Variants in GPR39 observed in about 807,000 individuals in gnomAD.
GPR39 encodes the protein G protein-coupled receptor 39, also known as zinc sensing receptor.
A neutral mutation model predicts 18.4 loss-of-function variants in GPR39; 23 were observed. That is an observed-to-expected ratio of 1.25 (90% CI 0.90 to 1.77). The LOEUF (loss-of-function observed/expected upper bound fraction) is 1.77, where lower values mean the gene tolerates loss of function less well. Among genes scored for constraint, GPR39 ranks in the 40% most tolerant of loss-of-function variants. The probability of loss-of-function intolerance (pLI) is 0.00; values close to 1 mark genes in which losing one functional copy is unlikely to be tolerated. For missense variants in GPR39, 647 were observed against 602.4 expected (o/e 1.07, Z -0.78); for synonymous variants, 280 against 257.9 (o/e 1.09, Z -0.82).
chr2:132,417,530 C>T lies in GPR39; in HGVS notation c.488C>T (p.Ser163Phe), dbSNP rs1679928742. 2 of 1,614,074 alleles carry T rather than the reference C, an allele frequency of 1.2e-6. No individual in the cohort carries two copies. The highest frequency in any genetic ancestry group is 8.5e-7 in the Non-Finnish European group (1 of 1,180,042). Residue 163 changes from serine to phenylalanine, a missense_variant, in exon 1 of 2, where the codon TCC becomes TTC. Around this residue, in one of 3 missense-constraint regions of GPR39, gnomAD observed 581 missense variants for 506.8 expected, o/e 1.15. Coordinates refer to ENST00000329321, the MANE Select transcript of GPR39 (RefSeq NM_001508.3). ...CTGATTGGCTTCGTCTGGGTCACCT[C>T]CGCCCTGGTGGCACTGCCCTTGCTG... Reference protein sequence around the residue: ...KLLIGFVWVTSALVALPLLFA... With the variant: ...KLLIGFVWVTFALVALPLLFA...
intron 1 of GPR39, chr2:132,433,742 C>G (rs1345317351): frequency 1.4e-5 from 2 of 147,994 alleles, no homozygotes; most frequent in Non-Finnish European, 3.0e-5. Flanking sequence ...GTGAGGTTGT[C>G]ATGCCTGCTA....
intron 1 of GPR39, among the ~76,000 whole-genome samples, chr2:132,458,419 A>G (rs1680772157): frequency 6.8e-6 from 1 of 147,376 alleles, no homozygotes; most frequent in Non-Finnish European, 1.5e-5. Context: ...GAGCTCATAT[A>G]TATCTACTTT....
intron 1 of GPR39, among the ~76,000 whole-genome samples, chr2:132,493,011 C>T (rs1681529352): frequency 7.2e-6 from 1 of 138,136 alleles, no homozygotes; most frequent in Non-Finnish European, 1.5e-5. Context: ...CATATATACA[C>T]TATATATACT....
intron 1 of GPR39, among the ~76,000 whole-genome samples, chr2:132,557,085 G>C (rs13013761): frequency 1.7e-4 from 6 of 34,744 alleles, no homozygotes; most frequent in Non-Finnish European, 2.4e-4. Flanking sequence ...GGAGGCCAAG[G>C]GGGGGGGCAG....
At chr2:132,481,989 G>A (rs1362955030) in intron 1 of GPR39, among the ~76,000 whole-genome samples, 1 of 152,100 alleles carries the variant, frequency 6.6e-6, no homozygotes, top group Non-Finnish European at 1.5e-5. Flanking sequence ...CACAGCAGAC[G>A]GGAGCTGAAC....
rs371766672 is a variant in GPR39 at position 132,645,230 on chromosome 2, C to T, written c.986C>T (p.Ser329Leu). 4 of 1,614,066 alleles carry T rather than the reference C, an allele frequency of 2.5e-6. No individual in the cohort carries two copies. The highest frequency in any genetic ancestry group is 1.1e-5 in the South Asian group (1 of 91,076). Residue 329 changes from serine to leucine, a missense_variant, in exon 2 of 2, where the codon TCG becomes TTG. Coordinates refer to ENST00000329321, the MANE Select transcript of GPR39 (RefSeq NM_001508.3). ...GCGTACATGATCCTCCTCCCCTTCTCGGAGACGTTTTTCTACCTCAGCTCG... is the reference window on the plus strand; with the variant it reads ...GCGTACATGATCCTCCTCCCCTTCTTGGAGACGTTTTTCTACCTCAGCTCG... ...FRAYMILLPF[S>L]ETFFYLSSVI... is the part of the protein sequence containing the mutation.
intron 1 of GPR39, among the ~76,000 whole-genome samples, chr2:132,449,490 G>A (rs927767252): frequency 5.3e-5 from 8 of 151,954 alleles, no homozygotes; most frequent in South Asian, 2.1e-4. Flanking sequence ...CTCGTGATCC[G>A]CCTGCCTCAG....
intron 1 of GPR39, among the ~76,000 whole-genome samples, chr2:132,566,657 G>A (rs1680354152): frequency 6.6e-6 from 1 of 152,166 alleles, no homozygotes; most frequent in Non-Finnish European, 1.5e-5. Context: ...ACTCAGTATT[G>A]GTGAGAGTGT....
At chr2:132,633,297 C>T (rs1681684548) in intron 1 of GPR39, among the ~76,000 whole-genome samples, 2 of 151,008 alleles carry the variant, frequency 1.3e-5, no homozygotes, top group African/African-American at 4.9e-5. Flanking sequence ...ATTATATCCT[C>T]TACTTTTTTT....
chr2:132,584,336 C>T (rs1332014171), intron 1 of GPR39, among the ~76,000 whole-genome samples: 1 of 152,148 alleles, frequency 6.6e-6, no homozygotes, highest in Non-Finnish European at 1.5e-5. Context: ...AACAGATGGT[C>T]AGAAAGCAAT....
intron 1 of GPR39, among the ~76,000 whole-genome samples, chr2:132,527,298 C>A (rs977062596): frequency 6.6e-6 from 1 of 152,234 alleles, no homozygotes; most frequent in Admixed American, 6.5e-5. Context: ...ACATAGTATT[C>A]CATGGTGTAT....
At chr2:132,614,436 G>A (rs1681296188) in intron 1 of GPR39, among the ~76,000 whole-genome samples, 1 of 151,904 alleles carries the variant, frequency 6.6e-6, no homozygotes, top group Admixed American at 6.6e-5. Context: ...TTGACCTCGT[G>A]ATCTTGATCT....
intron 1 of GPR39, among the ~76,000 whole-genome samples, chr2:132,593,830 T>G (rs771851603): frequency 6.6e-6 from 1 of 152,140 alleles, no homozygotes. Flanking sequence ...CTGCAAGTCC[T>G]GAGACCTTGT....
chr2:132,537,289 C>T (rs888773578), intron 1 of GPR39, among the ~76,000 whole-genome samples: 1 of 152,088 alleles, frequency 6.6e-6, no homozygotes, highest in African/African-American at 2.4e-5. Flanking sequence ...TTAGCATTTG[C>T]TTATCTGGAA....
chr2:132,524,639 C>A (rs1354881355), intron 1 of GPR39, among the ~76,000 whole-genome samples: 2 of 152,294 alleles, frequency 1.3e-5, no homozygotes, highest in African/African-American at 2.4e-5. Flanking sequence ...ATAATTGGGT[C>A]TCTCCCAAAC....
In GPR39 at chr2:132,646,488, A is replaced by G. The variant is rs542338284; in HGVS notation, c.*882A>G. On this transcript the variant is annotated 3_prime_UTR_variant, in exon 2 of 2. Transcript: ENST00000329321. Reference sequence around the variant, plus strand: ...GCACTATTTCATTAGTTTTAACAAAACTGTTCCAAAAGCGATTTGAGATGC... The same window carrying G: ...GCACTATTTCATTAGTTTTAACAAAGCTGTTCCAAAAGCGATTTGAGATGC... 5.0e-6 allele frequency: 2 copies of G among 401,068 alleles called. No homozygotes were observed. Among genetic ancestry groups the G allele is most frequent in the South Asian group, 2.6e-4 (2 of 7,742 alleles). 24.8% of individuals were successfully genotyped at this position (401,068 alleles called of 1,614,324 possible).
rs556844402 is a variant in GPR39 at position 132,453,514 on chromosome 2, G to A, written c.856+35616G>A. ...ATCCCATTTATCTATTTTGGCTTTTGTTGCCATTGCTTTTGGTGTTTTAGT... is the reference window on the plus strand; with the variant it reads ...ATCCCATTTATCTATTTTGGCTTTTATTGCCATTGCTTTTGGTGTTTTAGT... On this transcript the variant is annotated intron_variant, in intron 1 of 1. Coordinates refer to ENST00000329321, the MANE Select transcript of GPR39 (RefSeq NM_001508.3). Among the ~76,000 whole-genome samples, 5 of 152,234 alleles carry A rather than the reference G, an allele frequency of 3.3e-5. No homozygotes were observed. The South Asian group carries it at 1.0e-3, about 32-fold the overall frequency.
chr2:132,427,131 CATATAT>C (rs199931479), intron 1 of GPR39, among the ~76,000 whole-genome samples: 2,111 of 80,712 alleles, frequency 0.026, 64 homozygotes, highest in South Asian at 0.04. Flanking sequence ...TATATAGGTA[CATATAT>C]ATATATATAT....
chr2:132,563,572 A>G (rs984650981), intron 1 of GPR39, among the ~76,000 whole-genome samples: 1 of 152,166 alleles, frequency 6.6e-6, no homozygotes, highest in East Asian at 1.9e-4. Context: ...ACAAGGTTTG[A>G]GAATCACTGG....
Sources: allele counts gnomAD v4.1 joint callset (sites outside exome capture counted in the v4.1 genomes callset), GRCh38; gene constraint gnomAD v4.1.1; regional missense constraint gnomAD v4.1.1; transcripts MANE v1.5; gene names NCBI Gene and HGNC (gene_info 2026-07-23, HGNC 2026-07-21).